Variants in DPP10 observed in about 807,000 individuals in gnomAD.
The protein encoded by DPP10 is inactive dipeptidyl peptidase 10.
Under a neutral mutation model 120.9 loss-of-function variants are expected in DPP10, and 33 were observed. That is an observed-to-expected ratio of 0.27 (90% confidence interval 0.21 to 0.37). The LOEUF is 0.37. Among genes scored for constraint, DPP10 ranks in the 10% least tolerant of loss-of-function variants. The pLI, the probability that DPP10 is intolerant of heterozygous loss-of-function variation, is 1.00. For synonymous variants in DPP10, 337 were observed against 326.1 expected (o/e 1.03, Z -0.36); for missense variants, 816 against 942.8 (o/e 0.87, Z 1.76).
At chr2:114,793,450 A>C (rs114396300) in intron 1 of DPP10, among the ~76,000 whole-genome samples, 2,036 of 152,180 alleles carry the variant, frequency 0.013, 47 homozygotes, top group African/African-American at 0.047. Flanking sequence ...TTCCAGTTAC[A>C]TCCATGTCTC....
At chr2:115,749,734 C>T (rs759715791) in intron 10 of DPP10, among the ~76,000 whole-genome samples, 6 of 152,146 alleles carry the variant, frequency 3.9e-5, no homozygotes, top group Non-Finnish European at 5.9e-5. Context: ...GAAGACATCA[C>T]AGATTATCTA....
intron 1 of DPP10, among the ~76,000 whole-genome samples, chr2:115,231,110 T>C (rs1265892537): frequency 6.6e-6 from 1 of 152,044 alleles, no homozygotes; most frequent in East Asian, 1.9e-4. Flanking sequence ...TTTGTTATCC[T>C]GCATAACTGT....
At chr2:115,050,665 C>A (rs1184180457) in intron 1 of DPP10, among the ~76,000 whole-genome samples, 1 of 152,136 alleles carries the variant, frequency 6.6e-6, no homozygotes, top group Non-Finnish European at 1.5e-5. Context: ...CAGAGGGCCA[C>A]ACGTAGGTAC....
chr2:114,802,630 C>T (rs761169006), intron 1 of DPP10, among the ~76,000 whole-genome samples: 48 of 152,170 alleles, frequency 3.2e-4, no homozygotes, highest in African/African-American at 5.8e-4. Flanking sequence ...TTTAGATCAA[C>T]GAGCTCTCAA....
intron 1 of DPP10, among the ~76,000 whole-genome samples, chr2:114,585,939 A>T (rs1690943936): frequency 6.6e-6 from 1 of 152,224 alleles, no homozygotes; most frequent in South Asian, 2.1e-4. Context: ...ACACAGAGGA[A>T]TTCATAACAT....
chr2:115,577,684 G>T (rs1274192184), intron 5 of DPP10, among the ~76,000 whole-genome samples: 1 of 152,084 alleles, frequency 6.6e-6, no homozygotes, highest in Admixed American at 6.6e-5. Context: ...TCTTTTCAAG[G>T]TGCCCACAGG....
At chr2:114,879,395 A>C (rs1225880540) in intron 1 of DPP10, among the ~76,000 whole-genome samples, 7 of 152,094 alleles carry the variant, frequency 4.6e-5, no homozygotes, top group African/African-American at 1.4e-4. Flanking sequence ...TTAGCACTAT[A>C]TTATAAACCT....
intron 5 of DPP10, among the ~76,000 whole-genome samples, chr2:115,685,720 G>T (rs12616891): frequency 0.69 from 104,821 of 151,876 alleles, 38,305 homozygotes; most frequent in East Asian, 0.91. Flanking sequence ...CTGTATCAAA[G>T]ATATTAACAG....
intron 5 of DPP10, among the ~76,000 whole-genome samples, chr2:115,584,675 C>G (rs2082183841): frequency 6.6e-6 from 1 of 152,096 alleles, no homozygotes; most frequent in East Asian, 1.9e-4. Context: ...GTGTGGTGAC[C>G]AACAAATCAA....
chr2:114,904,639 A>G (rs983152898), intron 1 of DPP10, among the ~76,000 whole-genome samples: 1 of 152,214 alleles, frequency 6.6e-6, no homozygotes, highest in Non-Finnish European at 1.5e-5. Context: ...TCACTTGATA[A>G]AATGTATGTA....
At chr2:115,633,065 G>A (rs1315938797) in intron 5 of DPP10, among the ~76,000 whole-genome samples, 2 of 152,168 alleles carry the variant, frequency 1.3e-5, no homozygotes, top group Admixed American at 6.5e-5. Flanking sequence ...ATTTGACCCA[G>A]CCATCCCATT....
chr2:115,496,107 T>C (rs1391175830), intron 3 of DPP10, among the ~76,000 whole-genome samples: 2 of 152,042 alleles, frequency 1.3e-5, no homozygotes, highest in African/African-American at 4.8e-5. Flanking sequence ...GTTTCAAAAC[T>C]GGGGATTCCA....
At chr2:114,463,875 G>A (rs562104635) in intron 1 of DPP10, among the ~76,000 whole-genome samples, 33 of 152,052 alleles carry the variant, frequency 2.2e-4, no homozygotes, top group Admixed American at 4.6e-4. Flanking sequence ...CCAGAATGTC[G>A]TGTGAATAAG....
rs1574417897 is a variant in DPP10, at chr2:114,886,481, C to A, written c.61-422758C>A. The stretch of plus-strand genomic sequence containing the variant: ...CATAATAGTGCCTACAAGATAGATT[C>A]ACTTTTAATAGAATTTATCTATGCA... On this transcript the variant is annotated intron_variant, in intron 1 of 25. Transcript: ENST00000410059. 2.0e-5 allele frequency among the ~76,000 whole-genome samples: 3 copies of A among 152,236 alleles called. No individual in the cohort carries two copies. The South Asian group carries it at 6.2e-4, about 32-fold the overall frequency.
intron 1 of DPP10, among the ~76,000 whole-genome samples, chr2:114,456,038 A>G (rs1289221426): frequency 6.6e-6 from 1 of 152,136 alleles, no homozygotes; most frequent in Non-Finnish European, 1.5e-5. Context: ...ATATACAGGC[A>G]CTTGACTATC....
intron 1 of DPP10, among the ~76,000 whole-genome samples, chr2:114,553,306 T>C (rs1182424976): frequency 6.6e-6 from 1 of 152,226 alleles, no homozygotes; most frequent in Non-Finnish European, 1.5e-5. Context: ...CTGTCACTGA[T>C]AATTTCCAGG....
chr2:115,669,610 A>T (rs1017206582), intron 5 of DPP10, among the ~76,000 whole-genome samples: 2 of 152,034 alleles, frequency 1.3e-5, no homozygotes, highest in African/African-American at 4.8e-5. Flanking sequence ...CACACTTAAG[A>T]CAGATATTCT....
At chr2:115,687,364 A>AAC (rs1220065305) in intron 5 of DPP10, among the ~76,000 whole-genome samples, 1 of 152,194 alleles carries the variant, frequency 6.6e-6, no homozygotes, top group South Asian at 2.1e-4. Context: ...ATCTGCTGGG[A>AAC]ACACACACAC....
In DPP10 at chr2:114,628,703, G is replaced by A. The variant is rs745479921; in HGVS notation, c.60+185865G>A. Among the ~76,000 whole-genome samples, 8 of 152,164 alleles carry A rather than the reference G, an allele frequency of 5.3e-5. No homozygotes were observed. In the South Asian group the frequency reaches 6.2e-4, roughly 12 times the overall value. ...ACACTGACTCTTCAAGTATCTGAAC[G>A]GCGGGGGAAAGCTTAGACAAATAGA... is the stretch of plus-strand genomic sequence containing the variant. On this transcript the variant is annotated intron_variant, in intron 1 of 25. Coordinates refer to ENST00000410059, the MANE Select transcript of DPP10 (RefSeq NM_020868.6).
Sources: allele counts gnomAD v4.1 joint callset (sites outside exome capture counted in the v4.1 genomes callset), GRCh38; gene constraint gnomAD v4.1.1; transcripts MANE v1.5; gene names NCBI Gene and HGNC (gene_info 2026-07-23, HGNC 2026-07-21).